OTOGL: variants seen among roughly 807,000 people sequenced by gnomAD.
The protein encoded by OTOGL is otogelin-like protein.
OTOGL carries 285 observed loss-of-function variants against 318.5 expected under a neutral mutation model. That is an observed-to-expected ratio of 0.89 (90% CI 0.81 to 0.99). OTOGL has a LOEUF of 0.99. Ranked by LOEUF, OTOGL falls within the 50% of genes least tolerant of loss-of-function variation. OTOGL has a pLI of 0.00. For synonymous variants in OTOGL, 987 were observed against 936.5 expected (o/e 1.05, Z -0.99); for missense variants, 2,899 against 2,845.6 (o/e 1.02, Z -0.43).
chr12:80,124,744 G>C (rs1028256636), intron 1 of OTOGL, among the ~76,000 whole-genome samples: 2 of 151,952 alleles, frequency 1.3e-5, no homozygotes, highest in African/African-American at 2.4e-5. Flanking sequence ...TCCTTGAAGA[G>C]GTCCTTCACA....
chr12:80,173,374 T>G (rs1432623989), intron 1 of OTOGL, among the ~76,000 whole-genome samples: 2 of 152,198 alleles, frequency 1.3e-5, no homozygotes, highest in Non-Finnish European at 2.9e-5. Flanking sequence ...TGAGGGTTCC[T>G]CCCTTTTTTA....
intron 26 of OTOGL, among the ~76,000 whole-genome samples, chr12:80,282,239 T>C (rs1256472528): frequency 4.0e-5 from 6 of 151,870 alleles, no homozygotes; most frequent in Non-Finnish European, 7.4e-5. Flanking sequence ...TTTTTCTGGA[T>C]GTGACTTTTA....
intron 1 of OTOGL, among the ~76,000 whole-genome samples, chr12:80,108,918 GTATA>G (rs1304306418): frequency 1.7e-5 from 2 of 117,406 alleles, no homozygotes; most frequent in Non-Finnish European, 3.4e-5. Flanking sequence ...ATATATATGT[GTATA>G]TATATATGTG....
intron 46 of OTOGL, among the ~76,000 whole-genome samples, chr12:80,354,461 G>C (rs1889751256): frequency 6.6e-6 from 1 of 152,134 alleles, no homozygotes; most frequent in African/African-American, 2.4e-5. Flanking sequence ...AACACATCTA[G>C]TATTTGTAAT....
chr12:80,130,282 G>T (rs537059155), intron 1 of OTOGL, among the ~76,000 whole-genome samples: 15 of 152,116 alleles, frequency 9.9e-5, no homozygotes, highest in Non-Finnish European at 1.9e-4. Context: ...AAATTAGACA[G>T]ACAAATTGTT....
intron 1 of OTOGL, chr12:80,103,440 TG>T (rs2137066858): frequency 1.6e-6 from 1 of 618,700 alleles, no homozygotes; most frequent in African/African-American, 1.8e-5. Context: ...GCCAGAATGT[TG>T]TCCCTTCTCT....
chr12:80,222,528 G>A (rs1029081392), intron 7 of OTOGL, among the ~76,000 whole-genome samples: 3 of 152,130 alleles, frequency 2.0e-5, no homozygotes, highest in Non-Finnish European at 4.4e-5. Context: ...CATAAGCACA[G>A]GCTATCGGAT....
At chr12:80,165,978 T>C (rs1374810750) in intron 1 of OTOGL, among the ~76,000 whole-genome samples, 1 of 152,190 alleles carries the variant, frequency 6.6e-6, no homozygotes, top group Non-Finnish European at 1.5e-5. Context: ...AAAGCCAATA[T>C]GTGAATTGAG....
In OTOGL at chr12:80,145,094, C is replaced by G. The variant is rs566166635; in HGVS notation, c.-20+45489C>G. 4.0e-4 allele frequency among the ~76,000 whole-genome samples: 61 copies of G among 151,670 alleles called. No homozygotes were observed. The East Asian group carries it at 8.7e-3, about 22-fold the overall frequency. ...CATTTGTCAATTTTGTCTTTTGTTG[C>G]CATTGCTTTTGGTGTTTTAGACATG... On this transcript the variant is annotated intron_variant, in intron 1 of 58. Coordinates refer to ENST00000547103, the MANE Select transcript of OTOGL (RefSeq NM_001378609.3).
chr12:80,333,588 C>A (rs749704880), intron 38 of OTOGL, among the ~76,000 whole-genome samples: 1 of 151,886 alleles, frequency 6.6e-6, no homozygotes, highest in Admixed American at 6.6e-5. Context: ...TATTCAGATC[C>A]TATGGAAAAA....
At chr12:80,235,705 G>A (rs992050474) in intron 9 of OTOGL, among the ~76,000 whole-genome samples, 1 of 152,102 alleles carries the variant, frequency 6.6e-6, no homozygotes, top group South Asian at 2.1e-4. Flanking sequence ...GTCTGCCAGA[G>A]GAAGACTGGC....
rs531086480 is a variant in OTOGL at position 80,151,328 on chromosome 12, G to A, written c.-20+51723G>A. Among the ~76,000 whole-genome samples, 40 of 152,262 alleles carry A rather than the reference G, an allele frequency of 2.6e-4. No individual in the cohort carries two copies. The South Asian group carries it at 7.3e-3, about 28-fold the overall frequency. On this transcript the variant is annotated intron_variant, in intron 1 of 58. Coordinates refer to ENST00000547103, the MANE Select transcript of OTOGL (RefSeq NM_001378609.3). ...AGCCTAAAGTATCCCATGGTTAGCC[G>A]CAGAGTCACAGCTCAAACAGGTATG...
rs1439843074 is a variant in OTOGL, at chr12:80,377,973, G to A, written c.6987G>A (p.Leu2329=). 1 of 1,605,844 alleles carries A rather than the reference G, an allele frequency of 6.2e-7. No homozygotes were observed. Among genetic ancestry groups the A allele is most frequent in the Non-Finnish European group, 8.5e-7 (1 of 1,175,462 alleles). ...ENGVRNLSVP[L]YCSGNGTEIM... is the part of the protein sequence containing the mutation. ...GAGTACGAAACTTGTCTGTGCCTCT[G>A]TATTGCTCAGGAAATGGCACTGAAA... The change falls in exon 59 of 59, where the codon CTG becomes CTA. Residue 2329 remains leucine, a synonymous_variant. Transcript: ENST00000547103.
intron 1 of OTOGL, among the ~76,000 whole-genome samples, chr12:80,188,700 A>G (rs1025440156): frequency 6.6e-6 from 1 of 152,058 alleles, no homozygotes; most frequent in Non-Finnish European, 1.5e-5. Context: ...TTTTATTTGT[A>G]TGTGAATTTG....
chr12:80,267,225 C>T, intron 21 of OTOGL, 28 bp from the exon 22 acceptor site: 1 of 1,418,198 alleles, frequency 7.1e-7, no homozygotes, highest in South Asian at 1.3e-5. Flanking sequence ...AAATTGTATC[C>T]TATTTACTTT....
intron 7 of OTOGL, among the ~76,000 whole-genome samples, chr12:80,226,954 T>C (rs1022824813): frequency 6.6e-6 from 1 of 152,194 alleles, no homozygotes; most frequent in Admixed American, 6.5e-5. Flanking sequence ...TCATTTTACA[T>C]ATAACCTTAC....
chr12:80,156,332 G>C (rs2137181110), intron 1 of OTOGL, among the ~76,000 whole-genome samples: 1 of 152,278 alleles, frequency 6.6e-6, no homozygotes, highest in East Asian at 1.9e-4. Flanking sequence ...TGGCTTCCTT[G>C]CTTCTCAGCT....
chr12:80,366,004 G>T (rs953725978), intron 52 of OTOGL, among the ~76,000 whole-genome samples: 3 of 152,054 alleles, frequency 2.0e-5, no homozygotes, highest in Non-Finnish European at 1.5e-5. Context: ...TGCTCTACAG[G>T]ACTTTCTGTG....
chr12:80,328,646 C>A lies in OTOGL; in HGVS notation c.4200-19C>A. The A allele has an allele frequency of 6.5e-7, 1 of 1,531,720 alleles. No homozygotes were observed. Among genetic ancestry groups the A allele is most frequent in the Non-Finnish European group, 9.0e-7 (1 of 1,113,116 alleles). The allele number at this position is 1,531,720 out of a possible 1,614,324, so 94.9% of individuals were successfully genotyped here. On this transcript the variant is annotated intron_variant, in intron 35 of 58. Transcript: ENST00000547103. Reference sequence around the variant, plus strand: ...TCAAACTTTTCTTCACTTTGATTTACTCTTTTTTCCATGTAAAGGGTTGAA... The same window carrying A: ...TCAAACTTTTCTTCACTTTGATTTAATCTTTTTTCCATGTAAAGGGTTGAA...
Sources: allele counts gnomAD v4.1 joint callset (sites outside exome capture counted in the v4.1 genomes callset), GRCh38; gene constraint gnomAD v4.1.1; transcripts MANE v1.5; gene names NCBI Gene and HGNC (gene_info 2026-07-23, HGNC 2026-07-21).